The following MATN2 variants were observed in gnomAD, a reference collection of about 807,000 sequenced individuals.
MATN2 encodes matrilin 2.
Under a neutral mutation model 103.2 loss-of-function variants are expected in MATN2, and 69 were observed. That is an observed-to-expected ratio of 0.67 (90% confidence interval 0.55 to 0.82). The LOEUF is 0.82. Ranked by LOEUF, MATN2 falls within the 40% of genes least tolerant of loss-of-function variation. The pLI is 0.00. For missense variants in MATN2, 1,023 were observed against 1,211.5 expected (o/e 0.84, Z 2.31); for synonymous variants, 429 against 450.2 (o/e 0.95, Z 0.60).
At chr8:97,921,834 TAAATA>T (rs1209355070) in intron 2 of MATN2, among the ~76,000 whole-genome samples, 1 of 152,140 alleles carries the variant, frequency 6.6e-6, no homozygotes, top group African/African-American at 2.4e-5. Flanking sequence ...TCAAGTCTCA[TAAATA>T]AAATGCGTAC....
chr8:97,984,255 C>T (rs1812124622), intron 6 of MATN2, among the ~76,000 whole-genome samples: 1 of 152,340 alleles, frequency 6.6e-6, no homozygotes, highest in East Asian at 1.9e-4. Context: ...CTTTGTATAG[C>T]TCTGACTCTT....
chr8:98,021,552 G>A (rs767778553), intron 13 of MATN2, among the ~76,000 whole-genome samples: 9 of 152,128 alleles, frequency 5.9e-5, no homozygotes, highest in Non-Finnish European at 1.0e-4. Context: ...TAGGGTGATC[G>A]TAGGCTGAAC....
At chr8:97,965,182 T>C in intron 5 of MATN2, among the ~76,000 whole-genome samples, 1 of 152,232 alleles carries the variant, frequency 6.6e-6, no homozygotes, top group East Asian at 1.9e-4. Context: ...AGAGAATTCC[T>C]GTATACATGA....
At position 98,001,907 on chromosome 8, in the gene MATN2, C is replaced by T. The variant is rs11994439; in HGVS notation, c.1205-1754C>T. Among the ~76,000 whole-genome samples the T allele has an allele frequency of 2.8e-3, 425 of 152,282 alleles. 3 individuals are homozygous for T. The highest frequency in any genetic ancestry group is 9.6e-3 in the African/African-American group (399 of 41,546). On this transcript the variant is annotated intron_variant, in intron 7 of 18. Transcript: ENST00000254898. ...CTGACAAAGAAGAACATGGTTGCCA[C>T]GCTGGCTTAGACCAGCCATGACTCA... is the stretch of plus-strand genomic sequence containing the variant.
At chr8:97,991,615 G>A (rs767949897) in intron 6 of MATN2, among the ~76,000 whole-genome samples, 46 of 152,006 alleles carry the variant, frequency 3.0e-4, no homozygotes, top group African/African-American at 1.1e-3. Context: ...CCAGCTACTC[G>A]GGAGGCTGAG....
At chr8:97,945,717 A>AAAAAAAAAAT (rs59472539) in intron 4 of MATN2, among the ~76,000 whole-genome samples, 3 of 121,810 alleles carry the variant, frequency 2.5e-5, no homozygotes, top group Middle Eastern at 4.4e-3. Flanking sequence ...AAAAAAAAAA[A>AAAAAAAAAAT]ATATATATAT....
At position 98,032,532 on chromosome 8, in the gene MATN2, TTTGTTG is replaced by T. The variant is rs558407678; in HGVS notation, c.2581+224_2581+229del. Among the ~76,000 whole-genome samples the T allele has an allele frequency of 9.1e-3, 1,378 of 152,206 alleles. 12 individuals are homozygous for T. Among genetic ancestry groups the T allele is most frequent in the Non-Finnish European group, 0.013 (877 of 67,996 alleles). On this transcript the variant is annotated intron_variant, in intron 16 of 18. Transcript: ENST00000254898. Reference sequence around the variant, plus strand: ...GTGACAGTGTTTTTTTGTTTTTGTTTTTGTTGTTGTTGTTTTTTTGAGACAGTTTCA... The same window carrying T: ...GTGACAGTGTTTTTTTGTTTTTGTTTTTGTTGTTTTTTTGAGACAGTTTCA...
chr8:98,027,863 C>T, intron 14 of MATN2, 34 bp downstream of exon 14: 1 of 1,515,110 alleles, frequency 6.6e-7, no homozygotes, highest in Non-Finnish European at 8.8e-7. Context: ...TTACACCACT[C>T]AAGGTTCAGG....
At chr8:98,006,030 A>G (rs912097144) in intron 8 of MATN2, among the ~76,000 whole-genome samples, 3 of 152,218 alleles carry the variant, frequency 2.0e-5, no homozygotes, top group African/African-American at 7.2e-5. Context: ...GTGTCTGTCC[A>G]GTCTCTGGAG....
chr8:97,924,190 C>A (rs1344867747), intron 2 of MATN2, among the ~76,000 whole-genome samples: 1 of 152,178 alleles, frequency 6.6e-6, no homozygotes, highest in African/African-American at 2.4e-5. Context: ...CCAGCCTGCC[C>A]CCCATATCTG....
intron 4 of MATN2, 118 bp downstream of exon 4, chr8:97,942,017 T>C: frequency 4.7e-6 from 6 of 1,287,480 alleles, no homozygotes; most frequent in Non-Finnish European, 5.4e-6. Flanking sequence ...TTATCATCCC[T>C]TGGGGACAGA....
chr8:97,992,745 C>CAAAAAAAAAAAAAAAAAA lies in MATN2; in HGVS notation c.1082-1727_1082-1710dup, dbSNP rs58985201. 3.8e-4 allele frequency among the ~76,000 whole-genome samples: 19 copies of CAAAAAAAAAAAAAAAAAA among 49,578 alleles called. 1 individual carries two copies. The highest frequency in any genetic ancestry group is 9.1e-4 in the African/African-American group (10 of 11,018). The allele number at this position is 49,578 out of a possible 152,430, so 32.5% of individuals were successfully genotyped here. On this transcript the variant is annotated intron_variant, in intron 6 of 18. Coordinates refer to ENST00000254898, the MANE Select transcript of MATN2 (RefSeq NM_002380.5). ...TGGGTGTTAGAGTGAGACTCCATCT[C>CAAAAAAAAAAAAAAAAAA]AAAAAAAAAAAAAAAAAAAAAAAAA...
At chr8:98,021,165 T>G (rs1490779196) in intron 12 of MATN2, 40 bp from the exon 13 acceptor site, 1 of 1,604,064 alleles carries the variant, frequency 6.2e-7, no homozygotes, top group Non-Finnish European at 8.5e-7. Context: ...ACCTCATTTC[T>G]ACACTGATGG....
chr8:97,979,827 A>C lies in MATN2; in HGVS notation c.1081+819A>C, dbSNP rs550534148. On this transcript the variant is annotated intron_variant, in intron 6 of 18. Coordinates refer to ENST00000254898, the MANE Select transcript of MATN2 (RefSeq NM_002380.5). ...CAGTGAGAAAACAGGATTTTAATTC[A>C]TAAAAAGTTCATGTACCTACAACCT... Among the ~76,000 whole-genome samples the C allele has an allele frequency of 2.4e-4, 36 of 152,338 alleles. 1 individual carries two copies. The South Asian group carries it at 7.5e-3, about 32-fold the overall frequency.
intron 2 of MATN2, among the ~76,000 whole-genome samples, chr8:97,926,001 G>C (rs887966450): frequency 6.6e-6 from 1 of 152,216 alleles, no homozygotes; most frequent in Non-Finnish European, 1.5e-5. Context: ...AAATAGTTCT[G>C]ATGTTGCACA....
chr8:97,932,584 C>T (rs1422473658), intron 3 of MATN2, among the ~76,000 whole-genome samples: 4 of 152,196 alleles, frequency 2.6e-5, no homozygotes, highest in African/African-American at 9.7e-5. Context: ...ACGCACTTTC[C>T]AGTTATCTCT....
At chr8:97,880,304 T>C (rs897370960) in intron 1 of MATN2, among the ~76,000 whole-genome samples, 1 of 152,050 alleles carries the variant, frequency 6.6e-6, no homozygotes, top group Admixed American at 6.6e-5. Context: ...AATTAAAGAA[T>C]ATGTGTAAGC....
intron 6 of MATN2, among the ~76,000 whole-genome samples, chr8:97,980,213 G>A (rs1454095279): frequency 6.6e-6 from 1 of 152,208 alleles, no homozygotes; most frequent in Non-Finnish European, 1.5e-5. Context: ...TCCATGCCCC[G>A]TGCATGACTG....
intron 6 of MATN2, among the ~76,000 whole-genome samples, chr8:97,993,134 T>A (rs1812456304): frequency 6.6e-6 from 1 of 152,152 alleles, no homozygotes; most frequent in South Asian, 2.1e-4. Flanking sequence ...TATTGTATAT[T>A]TTGCTTAACA....
Sources: gnomAD v4.1 joint callset for allele counts (sites outside exome capture counted in the v4.1 genomes callset) on GRCh38, gnomAD v4.1.1 for gene constraint, MANE v1.5 for transcripts, NCBI Gene and HGNC (gene_info 2026-07-23, HGNC 2026-07-21) for gene names.